The following RMI1 variants were observed in gnomAD, a reference collection of about 807,000 sequenced individuals.
RMI1 encodes recQ-mediated genome instability protein 1.
A neutral mutation model predicts 46.7 loss-of-function variants in RMI1; 36 were observed. That is an observed-to-expected ratio of 0.77 (90% CI 0.59 to 1.02). The LOEUF is 1.02. Ranked by LOEUF, RMI1 falls within the 50% of genes least tolerant of loss-of-function variation. The probability of loss-of-function intolerance (pLI) is 0.00; values close to 1 mark genes in which losing one functional copy is unlikely to be tolerated. For synonymous variants in RMI1, 250 were observed against 252.9 expected (o/e 0.99, Z 0.11); for missense variants, 676 against 713.7 (o/e 0.95, Z 0.60).
In RMI1 at chr9:83,985,766, T is replaced by G. The variant is rs368742323; in HGVS notation, c.-126+4875T>G. Among the ~76,000 whole-genome samples, 4 of 152,318 alleles carry G rather than the reference T, an allele frequency of 2.6e-5. No homozygotes were observed. In the East Asian group the frequency reaches 5.8e-4, roughly 22 times the overall value. ...GCTCACGCCTGTAATCCCAGCACTT[T>G]GGGAGGCCGAGGCGGGTGGATCACG... is the stretch of plus-strand genomic sequence containing the variant. On this transcript the variant is annotated intron_variant, in intron 1 of 2. Transcript: ENST00000445877.
intron 1 of RMI1, among the ~76,000 whole-genome samples, chr9:83,991,976 G>A (rs115247599): frequency 1.3e-5 from 2 of 152,112 alleles, no homozygotes; most frequent in South Asian, 2.1e-4. Flanking sequence ...TTCCTTTGCC[G>A]TTCCATATAA....
Position 84,001,259 on chromosome 9 carries a change from CTTGG to C in RMI1, c.277_280del (p.Val93MetfsTer2). The stretch of plus-strand genomic sequence containing the variant: ...GATTTTATGCTCTGCAGATTAATTC[CTTGG>C]TTGATGTAAGTCAGCCTGCATACTC... On this transcript the variant is annotated frameshift_variant, in exon 3 of 3. Transcript: ENST00000445877. LOFTEE classifies it high-confidence loss of function. 6.2e-7 allele frequency: 1 copy of C among 1,614,004 alleles called. No individual in the cohort carries two copies.
At chr9:83,989,277 G>A (rs1026402819) in intron 1 of RMI1, among the ~76,000 whole-genome samples, 5 of 152,138 alleles carry the variant, frequency 3.3e-5, no homozygotes, top group African/African-American at 1.2e-4. Flanking sequence ...ATTGTTCTGG[G>A]CAAAGATTTT....
chr9:83,999,183 T>TAA lies in RMI1; in HGVS notation c.-125-523_-125-522dup, dbSNP rs1179815948. Among the ~76,000 whole-genome samples, 19 of 108,546 alleles carry TAA rather than the reference T, an allele frequency of 1.8e-4. 1 individual carries two copies. The highest frequency in any genetic ancestry group is 1.3e-3 in the Admixed American group (12 of 9,220). The allele number at this position is 108,546 out of a possible 152,430, so 71.2% of individuals were successfully genotyped here. The stretch of plus-strand genomic sequence containing the variant: ...TAGAATAAAATAGAATAGAATAAAA[T>TAA]AAAATAAAAAAAAATAAAATAACAA... On this transcript the variant is annotated intron_variant, in intron 1 of 2. Coordinates refer to ENST00000445877, the MANE Select transcript of RMI1 (RefSeq NM_001358291.2).
chr9:83,985,746 C>T (rs936439907), intron 1 of RMI1, among the ~76,000 whole-genome samples: 5 of 152,184 alleles, frequency 3.3e-5, no homozygotes, highest in African/African-American at 7.2e-5. Flanking sequence ...CGGTGGCTCA[C>T]GCCTGTAATC....
intron 1 of RMI1, among the ~76,000 whole-genome samples, chr9:83,995,225 T>C (rs886942126): frequency 6.6e-6 from 1 of 152,016 alleles, no homozygotes; most frequent in African/African-American, 2.4e-5. Context: ...GGTCTTGAAC[T>C]CCTGACCTCA....
rs374998082 is a variant in RMI1, at chr9:84,001,609, C to G, written c.623C>G (p.Ala208Gly). The G allele has an allele frequency of 4.3e-6, 7 of 1,613,958 alleles. No homozygotes were observed. Among genetic ancestry groups the G allele is most frequent in the Non-Finnish European group, 5.9e-6 (7 of 1,179,974 alleles). ...GAATATGCCCAAGAAAAAGTACTTGCAAGATTAATAGGGGAACCTGATCTT... is the reference window on the plus strand; with the variant it reads ...GAATATGCCCAAGAAAAAGTACTTGGAAGATTAATAGGGGAACCTGATCTT... The part of the protein sequence containing the change: ...LEEYAQEKVL[A>G]RLIGEPDLVV... Residue 208 changes from alanine to glycine, a missense_variant, in exon 3 of 3, where the codon GCA (alanine) becomes GGA (glycine). Ala to Gly is a moderately conservative substitution (Grantham distance 60). Transcript: ENST00000445877.
At chr9:83,992,745 T>A (rs1243822133) in intron 1 of RMI1, among the ~76,000 whole-genome samples, 1 of 152,242 alleles carries the variant, frequency 6.6e-6, no homozygotes, top group East Asian at 1.9e-4. Context: ...AATTGACTTT[T>A]GTGCTATATA....
At chr9:83,982,722 A>T (rs547538927) in intron 1 of RMI1, among the ~76,000 whole-genome samples, 1 of 151,972 alleles carries the variant, frequency 6.6e-6, no homozygotes, top group Admixed American at 6.6e-5. Flanking sequence ...TTCATTGTCC[A>T]GACTGGACCC....
rs145021435 is a variant in RMI1, at chr9:84,003,985, A to AGGTAATGT, written c.*1122_*1129dup. 0.033 allele frequency: 5,475 copies of AGGTAATGT among 163,794 alleles called. 302 individuals are homozygous for AGGTAATGT. The highest frequency in any genetic ancestry group is 0.12 in the African/African-American group (4,938 of 41,520). 10.1% of individuals were successfully genotyped at this position (163,794 alleles called of 1,614,324 possible). ...GTGCTGTTATAAAGTTGTATTTGAA[A>AGGTAATGT]GGTAATGTTGTTTTTATTAATCTTT... On this transcript the variant is annotated 3_prime_UTR_variant, in exon 3 of 3. Coordinates refer to ENST00000445877, the MANE Select transcript of RMI1 (RefSeq NM_001358291.2).
intron 1 of RMI1, among the ~76,000 whole-genome samples, chr9:83,987,524 T>C (rs985671625): frequency 6.6e-6 from 1 of 152,198 alleles, no homozygotes; most frequent in South Asian, 2.1e-4. Flanking sequence ...TCAGTAAAAT[T>C]CATATTTTTT....
intron 1 of RMI1, among the ~76,000 whole-genome samples, chr9:83,987,157 G>T (rs1957503101): frequency 6.6e-6 from 1 of 151,994 alleles, no homozygotes; most frequent in South Asian, 2.1e-4. Flanking sequence ...TCTGCCTCCT[G>T]GATTCAAGCG....
At chr9:83,980,401 G>C (rs1329383507), upstream of RMI1, 1 of 152,690 alleles carries the variant, frequency 6.5e-6, no homozygotes, top group Admixed American at 6.5e-5. Context: ...GGCCACTAAG[G>C]GCTCGAGAAA....
In RMI1 at chr9:84,001,849, A is replaced by G; in HGVS notation, c.863A>G (p.Glu288Gly). Residue 288 changes from glutamate to glycine, a missense_variant, in exon 3 of 3, where the codon GAA becomes GGA. Coordinates refer to ENST00000445877, the MANE Select transcript of RMI1 (RefSeq NM_001358291.2). Reference protein sequence around the residue: ...IPTRQSSFEPEFVISPRPKEE... With the variant: ...IPTRQSSFEPGFVISPRPKEE... ...ACAAGACAGTCAAGTTTTGAGCCAG[A>G]ATTTGTTATTTCTCCAAGACCAAAA... The G allele has an allele frequency of 1.9e-6, 3 of 1,614,060 alleles. No individual in the cohort carries two copies. Among genetic ancestry groups the G allele is most frequent in the Non-Finnish European group, 2.5e-6 (3 of 1,179,952 alleles).
intron 1 of RMI1, among the ~76,000 whole-genome samples, chr9:83,991,852 C>A (rs1957579722): frequency 1.3e-5 from 2 of 152,014 alleles, no homozygotes; most frequent in Non-Finnish European, 1.5e-5. Context: ...TATGTTAATC[C>A]TTTTGTCAGC....
rs200445200 is a variant in RMI1, at chr9:84,001,544, C to G, written c.558C>G (p.Asn186Lys). The change falls in exon 3 of 3, where the codon AAC (asparagine) becomes AAG (lysine). Residue 186 changes from asparagine to lysine, a missense_variant. By Grantham distance (94) the Asn-to-Lys change is moderately conservative. Coordinates refer to ENST00000445877, the MANE Select transcript of RMI1 (RefSeq NM_001358291.2). ...GTGTTCTCTTATTGAAACCAGAAAA[C>G]GTGAAAGTGTTAGGAGGTGAAGTAG... ...RLGVLLLKPE[N>K]VKVLGGEVDA... The G allele has an allele frequency of 2.5e-6, 4 of 1,613,626 alleles. No homozygotes were observed. The highest frequency in any genetic ancestry group is 3.4e-6 in the Non-Finnish European group (4 of 1,179,914).
At position 84,001,357 on chromosome 9, in the gene RMI1, C is replaced by A; in HGVS notation, c.371C>A (p.Pro124Gln). Reference protein sequence around the residue: ...DLVTAEAQVTPKPWEAKPSRM... With the variant: ...DLVTAEAQVTQKPWEAKPSRM... ...GTTACAGCTGAAGCACAAGTAACCC[C>A]AAAACCTTGGGAAGCAAAGCCTTCA... The change falls in exon 3 of 3, where the codon CCA (proline) becomes CAA (glutamine). Residue 124 changes from proline (P) to glutamine (Q), a missense_variant. Coordinates refer to ENST00000445877, the MANE Select transcript of RMI1 (RefSeq NM_001358291.2). 1 of 1,614,064 alleles carries A rather than the reference C, an allele frequency of 6.2e-7. No homozygotes were observed. The highest frequency in any genetic ancestry group is 8.5e-7 in the Non-Finnish European group (1 of 1,179,986).
intron 1 of RMI1, among the ~76,000 whole-genome samples, chr9:83,982,568 C>G (rs780665188): frequency 2.0e-5 from 3 of 151,800 alleles, no homozygotes; most frequent in African/African-American, 7.3e-5. Flanking sequence ...CTCAGGAGGC[C>G]GAGGCAGGAG....
At position 83,987,683 on chromosome 9, in the gene RMI1, A is replaced by T. The variant is rs941005825; in HGVS notation, c.-126+6792A>T. ...CTTTCCACATTTCTGGCCTTTGGCA[A>T]CCACTGAACTGTTTTCTGTTTGTAT... On this transcript the variant is annotated intron_variant, in intron 1 of 2. Coordinates refer to ENST00000445877, the MANE Select transcript of RMI1 (RefSeq NM_001358291.2). 7.2e-5 allele frequency among the ~76,000 whole-genome samples: 11 copies of T among 152,342 alleles called. 2 individuals carry two copies. In the South Asian group the frequency reaches 2.3e-3, roughly 32 times the overall value.
Sources: gnomAD v4.1 joint callset for allele counts (sites outside exome capture counted in the v4.1 genomes callset) on GRCh38, gnomAD v4.1.1 for gene constraint, MANE v1.5 for transcripts, NCBI Gene and HGNC (gene_info 2026-07-23, HGNC 2026-07-21) for gene names.